MCUB: variants seen among roughly 807,000 people sequenced by gnomAD.
MCUB encodes mitochondrial calcium uniporter dominant negative subunit beta.
MCUB carries 46 observed loss-of-function variants against 41.4 expected under a neutral mutation model. The observed-to-expected ratio is 1.11, with a 90% CI of 0.88 to 1.42. The LOEUF (loss-of-function observed/expected upper bound fraction) is 1.42, where lower values mean the gene tolerates loss of function less well. Among genes scored for constraint, MCUB ranks in the 40% most tolerant of loss-of-function variants. The pLI, the probability that MCUB is intolerant of heterozygous loss-of-function variation, is 0.00. For synonymous variants in MCUB, 148 were observed against 148.2 expected (o/e 1.00, Z 0.01); for missense variants, 403 against 404.9 (o/e 1.00, Z 0.04).
chr4:109,674,995 G>T (rs894515874), intron 4 of MCUB, among the ~76,000 whole-genome samples: 14 of 152,126 alleles, frequency 9.2e-5, no homozygotes, highest in African/African-American at 3.4e-4. Context: ...TATACAGAAG[G>T]CTATCACACT....
At chr4:109,650,058 C>T (rs1300111689) in intron 1 of MCUB, among the ~76,000 whole-genome samples, 1 of 152,098 alleles carries the variant, frequency 6.6e-6, no homozygotes, top group Admixed American at 6.6e-5. Flanking sequence ...TCATATCCCC[C>T]TATCAAGGGG....
At chr4:109,562,934 CATTT>C in intron 1 of MCUB, among the ~76,000 whole-genome samples, 1 of 152,174 alleles carries the variant, frequency 6.6e-6, no homozygotes, top group Admixed American at 6.5e-5. Context: ...TTAAAGAACA[CATTT>C]AGTCTGAAGC....
intron 1 of MCUB, among the ~76,000 whole-genome samples, chr4:109,582,181 G>A (rs954658691): frequency 6.6e-6 from 1 of 151,898 alleles, no homozygotes; most frequent in African/African-American, 2.4e-5. Flanking sequence ...TATACACCAT[G>A]GAATACTATG....
intron 1 of MCUB, among the ~76,000 whole-genome samples, chr4:109,584,958 CTA>C (rs1175610871): frequency 6.6e-6 from 1 of 152,134 alleles, no homozygotes; most frequent in Non-Finnish European, 1.5e-5. Context: ...CTGTAGGTGT[CTA>C]TTAGGTCTGC....
intron 4 of MCUB, among the ~76,000 whole-genome samples, chr4:109,675,541 T>G (rs1729556627): frequency 6.6e-6 from 1 of 152,222 alleles, no homozygotes; most frequent in Non-Finnish European, 1.5e-5. Context: ...CTGGAAAATT[T>G]ACTGTTTATT....
intron 1 of MCUB, among the ~76,000 whole-genome samples, chr4:109,628,415 C>G (rs1728407633): frequency 6.6e-6 from 1 of 152,116 alleles, no homozygotes; most frequent in African/African-American, 2.4e-5. Flanking sequence ...GAGTAACAAT[C>G]TGATTTATGC....
intron 1 of MCUB, among the ~76,000 whole-genome samples, chr4:109,602,156 A>T (rs1198323433): frequency 6.6e-6 from 1 of 151,792 alleles, no homozygotes; most frequent in East Asian, 1.9e-4. Context: ...ATTTTCTGCC[A>T]CTCTGTGGGT....
At chr4:109,646,140 T>G (rs1318381248) in intron 1 of MCUB, among the ~76,000 whole-genome samples, 1 of 152,034 alleles carries the variant, frequency 6.6e-6, no homozygotes, top group African/African-American at 2.4e-5. Flanking sequence ...ACCATCTGGT[T>G]TCTGTCTCCA....
At chr4:109,660,107 T>C (rs1470442481) in intron 2 of MCUB, 88 bp from the exon 3 acceptor site, 3 of 686,256 alleles carry the variant, frequency 4.4e-6, no homozygotes, top group Admixed American at 5.9e-5. Context: ...GTGAATTTCA[T>C]GTTTGAGCAT....
chr4:109,574,246 G>A (rs1726979398), intron 1 of MCUB, among the ~76,000 whole-genome samples: 2 of 152,150 alleles, frequency 1.3e-5, no homozygotes, highest in Admixed American at 1.3e-4. Flanking sequence ...TGTGAAAGAA[G>A]GTTGTCATTC....
At chr4:109,609,625 C>T (rs1417978430) in intron 1 of MCUB, among the ~76,000 whole-genome samples, 1 of 152,130 alleles carries the variant, frequency 6.6e-6, no homozygotes, top group Non-Finnish European at 1.5e-5. Flanking sequence ...CCTTATTTTA[C>T]CCAGTCCCTA....
At chr4:109,678,372 G>A (rs1043421906) in intron 4 of MCUB, among the ~76,000 whole-genome samples, 1 of 151,648 alleles carries the variant, frequency 6.6e-6, no homozygotes, top group African/African-American at 2.4e-5. Context: ...GGGCGGCCGG[G>A]CAGAGGCGCT....
At chr4:109,563,853 C>T (rs950716488) in intron 1 of MCUB, among the ~76,000 whole-genome samples, 2 of 152,110 alleles carry the variant, frequency 1.3e-5, no homozygotes, top group Non-Finnish European at 2.9e-5. Flanking sequence ...TCCCAAAGTG[C>T]TGGGATTACA....
At chr4:109,652,810 G>T (rs1350898021) in intron 1 of MCUB, among the ~76,000 whole-genome samples, 2 of 152,132 alleles carry the variant, frequency 1.3e-5, no homozygotes, top group African/African-American at 2.4e-5. Flanking sequence ...TTCTAGGTTG[G>T]TAATTATTTT....
chr4:109,649,751 T>TTAAATA lies in MCUB; in HGVS notation c.100-9260_100-9259insTAAATA, dbSNP rs1728918165. Among the ~76,000 whole-genome samples the TTAAATA allele has an allele frequency of 5.9e-5, 9 of 151,388 alleles. No homozygotes were observed. The South Asian group carries it at 1.9e-3, about 32-fold the overall frequency. On this transcript the variant is annotated intron_variant, in intron 1 of 7. Transcript: ENST00000394650. ...CTGGGACTCATTTATTATGATTTTTTAAAATAGAAATATGGTTTCACCCTG... is the reference window on the plus strand; with the variant it reads ...CTGGGACTCATTTATTATGATTTTTTTAAATAAAAATAGAAATATGGTTTCACCCTG...
chr4:109,646,219 T>A (rs373875962), intron 1 of MCUB, among the ~76,000 whole-genome samples: 72 of 152,210 alleles, frequency 4.7e-4, no homozygotes, highest in African/African-American at 1.7e-3. Context: ...TTGACTAACA[T>A]CTACCCTTAC....
At chr4:109,657,601 G>A (rs1242984945) in intron 1 of MCUB, among the ~76,000 whole-genome samples, 1 of 152,184 alleles carries the variant, frequency 6.6e-6, no homozygotes, top group Non-Finnish European at 1.5e-5. Context: ...TACAGCCACC[G>A]TGTTGTGACT....
chr4:109,579,156 T>C (rs186689365), intron 1 of MCUB, among the ~76,000 whole-genome samples: 1 of 152,352 alleles, frequency 6.6e-6, no homozygotes, highest in Admixed American at 6.5e-5. Context: ...TTTTGTACTT[T>C]AAAATGCATG....
At chr4:109,668,074 TG>T (rs1729383087) in intron 4 of MCUB, among the ~76,000 whole-genome samples, 1 of 151,610 alleles carries the variant, frequency 6.6e-6, no homozygotes, top group Non-Finnish European at 1.5e-5. Context: ...TCTGTCTTGA[TG>T]AGATGTTCCC....
Sources: gnomAD v4.1 joint callset for allele counts (sites outside exome capture counted in the v4.1 genomes callset) on GRCh38, gnomAD v4.1.1 for gene constraint, MANE v1.5 for transcripts, NCBI Gene and HGNC (gene_info 2026-07-23, HGNC 2026-07-21) for gene names.